The following ATP1A3 variants were observed in gnomAD, a reference collection of about 807,000 sequenced individuals.
ATP1A3 encodes the protein ATPase Na+/K+ transporting subunit alpha 3, also known as sodium/potassium-transporting ATPase subunit alpha-3.
Under a neutral mutation model 108.8 loss-of-function variants are expected in ATP1A3, and 12 were observed. The ratio of observed to expected loss-of-function variants is 0.11; its 90% CI spans 0.07 to 0.18. The LOEUF (loss-of-function observed/expected upper bound fraction) is 0.18, where lower values mean the gene tolerates loss of function less well. Among genes scored for constraint, ATP1A3 ranks in the 10% least tolerant of loss-of-function variants. The probability of loss-of-function intolerance (pLI) is 1.00; values close to 1 mark genes in which losing one functional copy is unlikely to be tolerated. For synonymous variants in ATP1A3, 539 were observed against 564.5 expected (o/e 0.95, Z 0.64); for missense variants, 498 against 1,387.7 (o/e 0.36, Z 10.19).
At chr19:41,993,417 C>A in intron 1 of ATP1A3, 1 of 1,535,716 alleles carries the variant, frequency 6.5e-7, no homozygotes, top group Non-Finnish European at 8.7e-7. Context: ...TCCTCTCCTC[C>A]TCCCAGCCTC....
In ATP1A3 at chr19:41,986,006, G is replaced by A; in HGVS notation, c.472-8C>T. The A allele has an allele frequency of 6.2e-7, 1 of 1,614,120 alleles. No individual in the cohort carries two copies. Among genetic ancestry groups the A allele is most frequent in the Admixed American group, 1.7e-5 (1 of 60,016 alleles). ...CCGGATCACCAGGGCTTGCTGAGGTGGGATGGAGTAATGTCACCTCCCAGA... is the reference window on the plus strand; with the variant it reads ...CCGGATCACCAGGGCTTGCTGAGGTAGGATGGAGTAATGTCACCTCCCAGA... On this transcript the variant is annotated splice_region_variant and splice_polypyrimidine_tract_variant and intron_variant, in intron 5 of 22. Coordinates refer to ENST00000648268, the MANE Select transcript of ATP1A3 (RefSeq NM_152296.5).
At chr19:41,993,255 G>C (rs1196102218) in intron 1 of ATP1A3, 22 of 819,448 alleles carry the variant, frequency 2.7e-5, no homozygotes, top group Non-Finnish European at 3.9e-5. Flanking sequence ...CAGCCAGGGA[G>C]GGAGGCGGCA....
intron 16 of ATP1A3, among the ~76,000 whole-genome samples, chr19:41,973,042 T>C (rs2075130724): frequency 6.6e-6 from 1 of 152,144 alleles, no homozygotes; most frequent in Non-Finnish European, 1.5e-5. Flanking sequence ...TGTGCTCTTC[T>C]CCACAAACTA....
chr19:41,974,746 T>G (rs1241542806), intron 16 of ATP1A3, among the ~76,000 whole-genome samples: 1 of 152,234 alleles, frequency 6.6e-6, no homozygotes, highest in Non-Finnish European at 1.5e-5. Flanking sequence ...TATCATGAAT[T>G]AATTTGATGA....
At position 41,988,281 on chromosome 19, in the gene ATP1A3, C is replaced by T; in HGVS notation, c.153+37G>A. 1 of 1,614,004 alleles carries T rather than the reference C, an allele frequency of 6.2e-7. No homozygotes were observed. ...GGTCCTAGCCCCCAGCTCCTCCTCCCTAGTTCCCAGGGTCCCAGCCCACAG... is the reference window on the plus strand; with the variant it reads ...GGTCCTAGCCCCCAGCTCCTCCTCCTTAGTTCCCAGGGTCCCAGCCCACAG... On this transcript the variant is annotated intron_variant, in intron 3 of 22. Coordinates refer to ENST00000648268, the MANE Select transcript of ATP1A3 (RefSeq NM_152296.5). The surrounding 1 kb of genome is among the most constrained non-coding windows in gnomAD (Gnocchi z 5.3).
rs2075059694 is a variant in ATP1A3 at position 41,967,779 on chromosome 19, G to C, written c.2820-16C>G. ...GATCTTGTTCCTGGAGGCACAGAAG[G>C]GCAGGGCTGGGCCCAGAGAGCACCC... On this transcript the variant is annotated splice_polypyrimidine_tract_variant and intron_variant, in intron 20 of 22. Transcript: ENST00000648268. This position sits in a 1 kb window ranked among gnomAD's most constrained non-coding sequence, Gnocchi z 4.2. 6.2e-7 allele frequency: 1 copy of C among 1,612,148 alleles called. No homozygotes were observed. The highest frequency in any genetic ancestry group is 1.3e-5 in the African/African-American group (1 of 74,974).
rs1555865001 is a variant in ATP1A3, at chr19:41,985,300, C to G, written c.724+6G>C. 3.1e-6 allele frequency: 5 copies of G among 1,613,986 alleles called. No individual in the cohort carries two copies. The highest frequency in any genetic ancestry group is 4.2e-6 in the Non-Finnish European group (5 of 1,179,944). On this transcript the variant is annotated splice_donor_region_variant and intron_variant, in intron 7 of 22. Transcript: ENST00000648268. This position sits in a 1 kb window ranked among gnomAD's most constrained non-coding sequence, Gnocchi z 8.2. Reference sequence around the variant, plus strand: ...CAGCTGTGTGTCTTCTCTGCACCCGCCTCACCTTCCACACAGTTGGTGGAA... The same window carrying G: ...CAGCTGTGTGTCTTCTCTGCACCCGGCTCACCTTCCACACAGTTGGTGGAA...
intron 16 of ATP1A3, among the ~76,000 whole-genome samples, chr19:41,970,957 A>G (rs1266834690): frequency 2.0e-5 from 3 of 147,580 alleles, no homozygotes; most frequent in African/African-American, 7.5e-5. Flanking sequence ...TCTACCCCCC[A>G]GCCCACCCAC....
At chr19:41,969,997 A>C (rs1739367118) in intron 18 of ATP1A3, among the ~76,000 whole-genome samples, 188 bp downstream of exon 18, 1 of 152,156 alleles carries the variant, frequency 6.6e-6, no homozygotes, top group South Asian at 2.1e-4. Context: ...ATCCGCACAC[A>C]TCAACAGCAG....
chr19:41,970,541 G>A lies in ATP1A3; in HGVS notation c.2265C>T (p.Gly755=). 3 of 1,614,028 alleles carry A rather than the reference G, an allele frequency of 1.9e-6. No individual in the cohort carries two copies. The highest frequency in any genetic ancestry group is 1.7e-6 in the Non-Finnish European group (2 of 1,179,998). ...FASIVTGVEE[G]RLIFDNLKKS... ...TCTTTAGGTTGTCGAAGATCAGGCG[G>A]CCTGTGGCACAGGCAGGCTCAGAGC... Residue 755 remains glycine (G), a splice_region_variant and synonymous_variant, in exon 17 of 23, where the codon GGC becomes GGT. Transcript: ENST00000648268.
chr19:41,981,585 G>A lies in ATP1A3; in HGVS notation c.1354C>T (p.Leu452=), dbSNP rs1555863355. ...SESALLKCIE[L]SSGSVKLMRE... ...ATCAGCTTCACGGAGCCAGAGGACA[G>A]CTCGATGCACTTGAGCAGGGCAGAC... The change falls in exon 11 of 23, where the codon CTG becomes TTG. Residue 452 remains leucine (L), a synonymous_variant. Coordinates refer to ENST00000648268, the MANE Select transcript of ATP1A3 (RefSeq NM_152296.5). The surrounding 1 kb of genome is among the most constrained non-coding windows in gnomAD (Gnocchi z 5.0). The A allele has an allele frequency of 6.2e-7, 1 of 1,614,236 alleles. No homozygotes were observed. Among genetic ancestry groups the A allele is most frequent in the African/African-American group, 1.3e-5 (1 of 75,058 alleles).
chr19:41,985,149 G>T lies in ATP1A3; in HGVS notation c.762C>A (p.Arg254=). The T allele has an allele frequency of 6.2e-7, 1 of 1,613,492 alleles. No homozygotes were observed. Among genetic ancestry groups the T allele is most frequent in the Non-Finnish European group, 8.5e-7 (1 of 1,179,616 alleles). ...ARGVVVATGD[R]TVMGRIATLA... ...GGGTGGCGATACGGCCCATGACAGT[G>T]CGGTCGCCCGTGGCCACCACCACGC... Residue 254 remains arginine, a synonymous_variant, in exon 8 of 23, where the codon CGC becomes CGA. Transcript: ENST00000648268. The surrounding 1 kb of genome is among the most constrained non-coding windows in gnomAD (Gnocchi z 8.2).
rs372041397 is a variant in ATP1A3, at chr19:41,986,003, G to A, written c.472-5C>T. 4 of 1,614,154 alleles carry A rather than the reference G, an allele frequency of 2.5e-6. No individual in the cohort carries two copies. In the South Asian group the frequency reaches 4.4e-5, roughly 18 times the overall value. On this transcript the variant is annotated splice_region_variant and splice_polypyrimidine_tract_variant and intron_variant, in intron 5 of 22. Coordinates refer to ENST00000648268, the MANE Select transcript of ATP1A3 (RefSeq NM_152296.5). ...TTCCCGGATCACCAGGGCTTGCTGA[G>A]GTGGGATGGAGTAATGTCACCTCCC... is the stretch of plus-strand genomic sequence containing the variant.
In ATP1A3 at chr19:41,988,467, G is replaced by A. The variant is rs369684003; in HGVS notation, c.93+9C>T. The A allele has an allele frequency of 1.5e-5, 24 of 1,614,188 alleles. No homozygotes were observed. In the South Asian group the frequency reaches 1.6e-4, roughly 11 times the overall value. On this transcript the variant is annotated intron_variant, in intron 2 of 22. Coordinates refer to ENST00000648268, the MANE Select transcript of ATP1A3 (RefSeq NM_152296.5). This position sits in a 1 kb window ranked among gnomAD's most constrained non-coding sequence, Gnocchi z 5.3. ...CTGGGAGGGTGTGCGGGCAGAGGGC[G>A]AGGCTTACCATAGCCACCTCCTTCT...
intron 11 of ATP1A3, among the ~76,000 whole-genome samples, chr19:41,980,841 G>T (rs1381180959): frequency 1.3e-5 from 2 of 151,810 alleles, no homozygotes; most frequent in Non-Finnish European, 2.9e-5. Flanking sequence ...AACCCGGGAG[G>T]TGGAGCTTGC....
chr19:41,981,130 G>A lies in ATP1A3; in HGVS notation c.1437+372C>T, dbSNP rs1324888948. Among the ~76,000 whole-genome samples, 3 of 150,814 alleles carry A rather than the reference G, an allele frequency of 2.0e-5. No individual in the cohort carries two copies. Among genetic ancestry groups the A allele is most frequent in the East Asian group, 3.9e-4 (2 of 5,068 alleles). ...TCCTGCCTCAGACTCCCAAATCGCT[G>A]AGACCACAGGCACATACCACCACAC... On this transcript the variant is annotated intron_variant, in intron 11 of 22. Transcript: ENST00000648268. This position sits in a 1 kb window ranked among gnomAD's most constrained non-coding sequence, Gnocchi z 5.0.
chr19:41,993,979 G>A, intron 1 of ATP1A3, 92 bp downstream of exon 1: 1 of 1,575,654 alleles, frequency 6.3e-7, no homozygotes. Context: ...CCGGAGCGCA[G>A]GGGTCCCGGT....
chr19:41,989,185 C>G (rs565618350), intron 1 of ATP1A3, among the ~76,000 whole-genome samples: 6 of 152,268 alleles, frequency 3.9e-5, no homozygotes, highest in Admixed American at 2.6e-4. Context: ...AGCGATCCTC[C>G]TGCTTTAGCC....
intron 8 of ATP1A3, among the ~76,000 whole-genome samples, chr19:41,982,411 A>G (rs1219135441): frequency 6.6e-6 from 1 of 152,182 alleles, no homozygotes; most frequent in Non-Finnish European, 1.5e-5. Flanking sequence ...GCATCACTTG[A>G]GATCAGGAGT....
Sources: allele counts gnomAD v4.1 joint callset (sites outside exome capture counted in the v4.1 genomes callset), GRCh38; gene constraint gnomAD v4.1.1; non-coding constraint Gnocchi (gnomAD v3.1); transcripts MANE v1.5; gene names NCBI Gene and HGNC (gene_info 2026-07-23, HGNC 2026-07-21).